Variants in AMH observed in about 807,000 individuals in gnomAD.
AMH encodes anti-Mullerian hormone, also known as anti-Muellerian hormone.
Under a neutral mutation model 33.3 loss-of-function variants are expected in AMH, and 39 were observed. The observed-to-expected ratio is 1.17, with a 90% CI of 0.91 to 1.53. The LOEUF (loss-of-function observed/expected upper bound fraction) is 1.53. Among genes scored for constraint, AMH ranks in the 40% most tolerant of loss-of-function variants. The pLI is 0.00. For missense variants in AMH, 1,019 were observed against 799.8 expected (o/e 1.27, Z -3.30); for synonymous variants, 536 against 403.0 (o/e 1.33, Z -3.95).
rs2025008975 is a variant in AMH at position 2,250,382 on chromosome 19, C to T, written c.458C>T (p.Pro153Leu). The stretch of plus-strand genomic sequence containing the variant: ...TCGCTGAGGTTCCAGGAGCCCCCGC[C>T]TGGAGGAGCTGGCCCCCCAGAGCTG... The part of the protein sequence containing the change: ...TPSLRFQEPP[P>L]GGAGPPELAL... Residue 153 changes from proline to leucine, a missense_variant, in exon 2 of 5, where the codon CCT becomes CTT. Pro to Leu is a moderately conservative substitution (Grantham distance 98). Transcript: ENST00000221496. The T allele has an allele frequency of 1.9e-6, 3 of 1,589,802 alleles. No individual in the cohort carries two copies. The highest frequency in any genetic ancestry group is 1.7e-6 in the Non-Finnish European group (2 of 1,170,038).
At chr19:2,251,064 T>C in intron 4 of AMH, 35 bp from the exon 5 acceptor site, 1 of 1,531,334 alleles carries the variant, frequency 6.5e-7, no homozygotes, top group South Asian at 1.2e-5. Flanking sequence ...CGTGGCCTCG[T>C]GGCCGCTCTC....
chr19:2,250,282 TC>T, intron 1 of AMH, 54 bp from the exon 2 acceptor site: 1 of 1,552,696 alleles, frequency 6.4e-7, no homozygotes, highest in Non-Finnish European at 8.7e-7. Context: ...TCCCAAAGAT[TC>T]CCGGGGGGTG....
rs767284402 is a variant in AMH, at chr19:2,251,929, T to C, written c.1655T>C (p.Met552Thr). 11 of 1,554,086 alleles carry C rather than the reference T, an allele frequency of 7.1e-6. No individual in the cohort carries two copies. The highest frequency in any genetic ancestry group is 1.4e-5 in the African/African-American group (1 of 73,616). The change falls in exon 5 of 5, where the codon ATG becomes ACG. Residue 552 changes from methionine to threonine, a missense_variant. Transcript: ENST00000221496. Reference sequence around the variant, plus strand: ...ATCAGCGCGCACCACGTGCCCAACATGGTGGCCACCGAGTGTGGCTGCCGG... The same window carrying C: ...ATCAGCGCGCACCACGTGCCCAACACGGTGGCCACCGAGTGTGGCTGCCGG... ...ERISAHHVPN[M>T]VATECGCR
rs1313937673 is a variant in AMH, at chr19:2,251,703, G to T, written c.1429G>T (p.Val477Leu). The T allele has an allele frequency of 6.2e-7, 1 of 1,611,562 alleles. No individual in the cohort carries two copies. Residue 477 changes from valine (V) to leucine (L), a missense_variant, in exon 5 of 5, where the codon GTA (valine) becomes TTA (leucine). Physicochemically the swap from Val to Leu is conservative, Grantham distance 32. Coordinates refer to ENST00000221496, the MANE Select transcript of AMH (RefSeq NM_000479.5). ...LSVDLRAERS[V>L]LIPETYQANN... is the part of the protein sequence containing the mutation. Reference sequence around the variant, plus strand: ...CGTAGACCTCCGCGCCGAGCGCTCCGTACTCATCCCCGAGACCTACCAGGC... The same window carrying T: ...CGTAGACCTCCGCGCCGAGCGCTCCTTACTCATCCCCGAGACCTACCAGGC...
At position 2,251,639 on chromosome 19, in the gene AMH, CA is replaced by C; in HGVS notation, c.1366del (p.Thr456ProfsTer14). ...GTCGGGCACAGCGCAGCGCGGGGGC[CA>C]CCGCCGCCGACGGGCCGTGCGCGCT... ...PGRAQRSAGATAADGPCALRE... is the reference protein window; with the variant it reads ...PGRAQRSAGAXAADGPCALRE... On this transcript the variant is annotated frameshift_variant, in exon 5 of 5. Transcript: ENST00000221496. LOFTEE classifies it high-confidence loss of function. 6.3e-7 allele frequency: 1 copy of C among 1,589,326 alleles called. No homozygotes were observed.
rs768050453 is a variant in AMH, at chr19:2,250,426, C to A, written c.502C>A (p.Pro168Thr). The change falls in exon 2 of 5, where the codon CCT (proline) becomes ACT (threonine). Residue 168 changes from proline to threonine, a missense_variant. Transcript: ENST00000221496. The stretch of plus-strand genomic sequence containing the variant: ...AGAGCTGGCGCTGCTGGTGCTGTAC[C>A]CTGGGCCTGGCCCTGAGGTCACTGT... Reference protein sequence around the residue: ...PPELALLVLYPGPGPEVTVTR... With the variant: ...PPELALLVLYTGPGPEVTVTR... 86 of 1,560,760 alleles carry A rather than the reference C, an allele frequency of 5.5e-5. No homozygotes were observed. The South Asian group carries it at 9.8e-4, about 18-fold the overall frequency.
chr19:2,251,044 GC>G, intron 4 of AMH, 36 bp downstream of exon 4: 1 of 1,526,864 alleles, frequency 6.5e-7, no homozygotes. Flanking sequence ...GCAGGAGCGG[GC>G]GGGGGCGGCG....
At position 2,249,331 on chromosome 19, in the gene AMH, C is replaced by T. The variant is rs773283377; in HGVS notation, c.-2C>T. 453 of 1,561,042 alleles carry T rather than the reference C, an allele frequency of 2.9e-4. No homozygotes were observed. Among genetic ancestry groups the T allele is most frequent in the Non-Finnish European group, 3.7e-4 (432 of 1,155,604 alleles). ...GCAGCCCAGCCCCTGGCAGCACCCACGATGCGGGACCTGCCTCTCACCAGC... is the reference window on the plus strand; with the variant it reads ...GCAGCCCAGCCCCTGGCAGCACCCATGATGCGGGACCTGCCTCTCACCAGC... On this transcript the variant is annotated 5_prime_UTR_variant, in exon 1 of 5. The change creates a new upstream start codon in the 5' untranslated region. Transcript: ENST00000221496.
chr19:2,250,926 G>A lies in AMH; in HGVS notation c.742G>A (p.Ala248Thr), dbSNP rs949969959. The A allele has an allele frequency of 3.2e-6, 5 of 1,558,610 alleles. No homozygotes were observed. The African/African-American group carries it at 6.8e-5, about 21-fold the overall frequency. ...DHRCFTRMTP[A>T]LLLLPRSEPA... is the part of the protein sequence containing the mutation. ...CCGCTGCTTCACACGGATGACCCCG[G>A]CCCTGCTCCTGCTGCCGCGGTCCGA... is the stretch of plus-strand genomic sequence containing the variant. Residue 248 changes from alanine to threonine, a missense_variant, in exon 4 of 5, where the codon GCC becomes ACC. By Grantham distance (58) the Ala-to-Thr change is moderately conservative. Transcript: ENST00000221496.
chr19:2,249,647 C>G lies in AMH; in HGVS notation c.315C>G (p.Thr105=). Residue 105 remains threonine, a synonymous_variant, in exon 1 of 5, where the codon ACC becomes ACG. Coordinates refer to ENST00000221496, the MANE Select transcript of AMH (RefSeq NM_000479.5). ...RDLATFGVCN[T]GDRQAALPSL... Reference sequence around the variant, plus strand: ...TGGCCACCTTCGGGGTCTGCAACACCGGTGACAGGCAGGCTGCCTTGCCCT... The same window carrying G: ...TGGCCACCTTCGGGGTCTGCAACACGGGTGACAGGCAGGCTGCCTTGCCCT... 6.6e-7 allele frequency: 1 copy of G among 1,515,654 alleles called. No homozygotes were observed. The highest frequency in any genetic ancestry group is 8.8e-7 in the Non-Finnish European group (1 of 1,135,116). 93.9% of individuals were successfully genotyped at this position (1,515,654 alleles called of 1,614,324 possible).
chr19:2,250,435 G>GGGCCTA lies in AMH; in HGVS notation c.512_513insGCCTAG (p.Pro172_Glu173insSerPro). The GGGCCTA allele has an allele frequency of 1.3e-6, 2 of 1,557,276 alleles. No homozygotes were observed. Among genetic ancestry groups the GGGCCTA allele is most frequent in the South Asian group, 2.4e-5 (2 of 84,640 alleles). Reference sequence around the variant, plus strand: ...GCTGCTGGTGCTGTACCCTGGGCCTGGCCCTGAGGTCACTGTGACGAGGGC... The same window carrying GGGCCTA: ...GCTGCTGGTGCTGTACCCTGGGCCTGGGCCTAGCCCTGAGGTCACTGTGACGAGGGC... On this transcript the variant is annotated inframe_insertion, in exon 2 of 5. Coordinates refer to ENST00000221496, the MANE Select transcript of AMH (RefSeq NM_000479.5).
At chr19:2,251,042 G>T (rs761433484) in intron 4 of AMH, 34 bp downstream of exon 4, 9 of 1,526,118 alleles carry the variant, frequency 5.9e-6, no homozygotes, top group Non-Finnish European at 7.9e-6. Context: ...GGGCAGGAGC[G>T]GGCGGGGGCG....
At chr19:2,250,588 G>A in intron 2 of AMH, 64 bp from the exon 3 acceptor site, 1 of 1,537,022 alleles carries the variant, frequency 6.5e-7, no homozygotes, top group Non-Finnish European at 8.7e-7. Flanking sequence ...ATGGGAGGAA[G>A]GGGACCGGTA....
Position 2,251,370 on chromosome 19 carries a change from C to T in AMH, c.1096C>T (p.Pro366Ser), listed in dbSNP as rs2025039734. ...CGGGGATCCTGCGCCCCTGCACGAC[C>T]CCACGTCGGCGCCGTGGGCCACGGC... ...TTGDPAPLHD[P>S]TSAPWATALA... The change falls in exon 5 of 5, where the codon CCC becomes TCC. Residue 366 changes from proline (P) to serine (S), a missense_variant. By Grantham distance (74) the Pro-to-Ser change is moderately conservative. Coordinates refer to ENST00000221496, the MANE Select transcript of AMH (RefSeq NM_000479.5). 4 of 1,475,146 alleles carry T rather than the reference C, an allele frequency of 2.7e-6. No homozygotes were observed. Among genetic ancestry groups the T allele is most frequent in the Admixed American group, 4.7e-5 (2 of 42,362 alleles). 91.4% of individuals were successfully genotyped at this position (1,475,146 alleles called of 1,614,324 possible). A position where few individuals can be genotyped will look rare whatever the true frequency, so the allele number is the denominator to read the frequency against.
chr19:2,251,769 C>A lies in AMH; in HGVS notation c.1495C>A (p.Arg499Ser). 2.5e-6 allele frequency: 4 copies of A among 1,611,020 alleles called. No homozygotes were observed. Among genetic ancestry groups the A allele is most frequent in the Non-Finnish European group, 3.4e-6 (4 of 1,179,580 alleles). Residue 499 changes from arginine (R) to serine (S), a missense_variant, in exon 5 of 5, where the codon CGC becomes AGC. Coordinates refer to ENST00000221496, the MANE Select transcript of AMH (RefSeq NM_000479.5). ...CGTGTGCGGCTGGCCTCAGTCCGAC[C>A]GCAACCCGCGCTACGGCAACCACGT... ...QGVCGWPQSD[R>S]NPRYGNHVVL...
Position 2,249,633 on chromosome 19 carries a change from G to A in AMH, c.301G>A (p.Gly101Arg), listed in dbSNP as rs778071215. ...RWGPRDLATF[G>R]VCNTGDRQAA... ...GGGCCCCCGAGACCTGGCCACCTTCGGGGTCTGCAACACCGGTGACAGGCA... is the reference window on the plus strand; with the variant it reads ...GGGCCCCCGAGACCTGGCCACCTTCAGGGTCTGCAACACCGGTGACAGGCA... The change falls in exon 1 of 5, where the codon GGG becomes AGG. Residue 101 changes from glycine to arginine, a missense_variant. Physicochemically the swap from Gly to Arg is moderately radical, Grantham distance 125. Coordinates refer to ENST00000221496, the MANE Select transcript of AMH (RefSeq NM_000479.5). 2.9e-5 allele frequency: 45 copies of A among 1,528,912 alleles called. No individual in the cohort carries two copies. The South Asian group carries it at 3.5e-4, about 12-fold the overall frequency. The allele number at this position is 1,528,912 out of a possible 1,614,324, so 94.7% of individuals were successfully genotyped here. A position where few individuals can be genotyped will look rare whatever the true frequency, so the allele number is the denominator to read the frequency against.
At chr19:2,249,911 A>G (rs978813580) in intron 1 of AMH, 167 bp downstream of exon 1, 10 of 796,722 alleles carry the variant, frequency 1.3e-5, no homozygotes, top group South Asian at 6.0e-5. Flanking sequence ...TGGGCACCAC[A>G]CTCTGTCCTG....
Position 2,249,492 on chromosome 19 carries a change from CTG to C in AMH, c.163_164del (p.Cys55ProfsTer25), listed in dbSNP as rs1266345771. 3 of 1,607,172 alleles carry C rather than the reference CTG, an allele frequency of 1.9e-6. No individual in the cohort carries two copies. Among genetic ancestry groups the C allele is most frequent in the Admixed American group, 3.4e-5 (2 of 59,486 alleles). On this transcript the variant is annotated frameshift_variant, in exon 1 of 5. Transcript: ENST00000221496. LOFTEE classifies it high-confidence loss of function. ...GCCTCCAGGCAGCCCACAAGAGCCT[CTG>C]TGCCTGGTGGCACTGGGCGGGGACA... ...DWPPGSPQEP[L>X]CLVALGGDSN...
Position 2,249,635 on chromosome 19 carries a change from G to GT in AMH, c.303_304insT (p.Val102CysfsTer6). The GT allele has an allele frequency of 6.5e-7, 1 of 1,528,544 alleles. No individual in the cohort carries two copies. The highest frequency in any genetic ancestry group is 8.8e-7 in the Non-Finnish European group (1 of 1,140,446). The allele number at this position is 1,528,544 out of a possible 1,614,324, so 94.7% of individuals were successfully genotyped here. The stretch of plus-strand genomic sequence containing the variant: ...GCCCCCGAGACCTGGCCACCTTCGG[G>GT]GTCTGCAACACCGGTGACAGGCAGG... On this transcript the variant is annotated frameshift_variant, in exon 1 of 5. Transcript: ENST00000221496. LOFTEE classifies it high-confidence loss of function.
Sources: gnomAD v4.1 joint callset for allele counts on GRCh38, gnomAD v4.1.1 for gene constraint, MANE v1.5 for transcripts, NCBI Gene and HGNC (gene_info 2026-07-23, HGNC 2026-07-21) for gene names.